Variants in MECOM observed in about 807,000 individuals in gnomAD.
The protein encoded by MECOM is MDS1 and EVI1 complex locus, also known as histone-lysine N-methyltransferase MECOM.
A neutral mutation model predicts 116.3 loss-of-function variants in MECOM; 13 were observed. The ratio of observed to expected loss-of-function variants is 0.11; its 90% CI spans 0.07 to 0.18. The LOEUF (loss-of-function observed/expected upper bound fraction) is 0.18. MECOM is among the 10% of genes least tolerant of loss of function. The pLI is 1.00. For missense variants in MECOM, 1,299 were observed against 1,509.0 expected, an observed-to-expected ratio of 0.86 and a Z score of 2.31; for synonymous variants, 528 against 535.2, an observed-to-expected ratio of 0.99 and a Z score of 0.19.
intron 2 of MECOM, among the ~76,000 whole-genome samples, chr3:169,372,606 C>T (rs1287566622): frequency 2.0e-5 from 3 of 151,944 alleles, no homozygotes; most frequent in Non-Finnish European, 4.4e-5. Context: ...AGAGCAATAA[C>T]TTATAAAAAT....
intron 4 of MECOM, among the ~76,000 whole-genome samples, chr3:169,128,500 G>A (rs1733640087): frequency 6.6e-6 from 1 of 152,140 alleles, no homozygotes; most frequent in Admixed American, 6.5e-5. Flanking sequence ...GGAGTATAGA[G>A]CTATGTGGCT....
At chr3:169,186,035 T>C (rs1448706981) in intron 2 of MECOM, among the ~76,000 whole-genome samples, 3 of 152,144 alleles carry the variant, frequency 2.0e-5, no homozygotes, top group African/African-American at 7.2e-5. Flanking sequence ...AAGGAAACTA[T>C]CTCTGACTCC....
intron 2 of MECOM, among the ~76,000 whole-genome samples, chr3:169,144,664 C>T (rs1483440091): frequency 1.3e-5 from 2 of 152,086 alleles, no homozygotes. Context: ...TTTTTAAGAT[C>T]ATGTGTACTT....
chr3:169,398,743 G>T (rs1436947054), intron 1 of MECOM, among the ~76,000 whole-genome samples: 1 of 152,134 alleles, frequency 6.6e-6, no homozygotes, highest in Non-Finnish European at 1.5e-5. Context: ...CAATACTCCT[G>T]CTCCTGTGAA....
chr3:169,185,667 A>G (rs1385913144), intron 2 of MECOM, among the ~76,000 whole-genome samples: 2 of 152,186 alleles, frequency 1.3e-5, no homozygotes, highest in South Asian at 2.1e-4. Flanking sequence ...CTAAACTCCA[A>G]GAAAAGTTCA....
intron 2 of MECOM, among the ~76,000 whole-genome samples, chr3:169,177,106 C>A (rs12629843): frequency 0.064 from 9,776 of 152,200 alleles, 492 homozygotes; most frequent in East Asian, 0.29. Flanking sequence ...CCCAGCAATT[C>A]CCTTACTGGG....
chr3:169,287,737 T>G (rs1713629593), intron 2 of MECOM, among the ~76,000 whole-genome samples: 1 of 152,184 alleles, frequency 6.6e-6, no homozygotes, highest in African/African-American at 2.4e-5. Context: ...AAAAAAATTG[T>G]CAATAAATAT....
chr3:169,272,317 G>A (rs1365432676), intron 2 of MECOM, among the ~76,000 whole-genome samples: 1 of 152,144 alleles, frequency 6.6e-6, no homozygotes, highest in East Asian at 1.9e-4. Context: ...GGGAGTTGGG[G>A]AGAGACATAG....
At chr3:169,473,035 A>C (rs1749805508) in intron 1 of MECOM, 1 of 888,192 alleles carries the variant, frequency 1.1e-6, no homozygotes, top group African/African-American at 1.8e-5. Flanking sequence ...AAAAACCTAG[A>C]GAAGGAGTCA....
intron 1 of MECOM, among the ~76,000 whole-genome samples, chr3:169,570,224 A>C (rs771082345): frequency 1.2e-4 from 18 of 152,220 alleles, no homozygotes; most frequent in Non-Finnish European, 2.4e-4. Flanking sequence ...TATGCAAATA[A>C]ATTAGAAAAT....
At chr3:169,413,931 C>G (rs1003243040) in intron 1 of MECOM, among the ~76,000 whole-genome samples, 5 of 152,172 alleles carry the variant, frequency 3.3e-5, no homozygotes, top group Non-Finnish European at 7.3e-5. Flanking sequence ...GAACAGAGAA[C>G]CTGGGGGAAG....
At chr3:169,460,178 C>A (rs1747198651) in intron 1 of MECOM, among the ~76,000 whole-genome samples, 1 of 151,870 alleles carries the variant, frequency 6.6e-6, no homozygotes, top group Non-Finnish European at 1.5e-5. Context: ...TGAACTGAAT[C>A]CAAAAATTGT....
At chr3:169,590,375 T>A (rs1056984772) in intron 1 of MECOM, among the ~76,000 whole-genome samples, 2 of 152,196 alleles carry the variant, frequency 1.3e-5, no homozygotes, top group African/African-American at 4.8e-5. Flanking sequence ...TTGCTCTACC[T>A]TAGAATCAGA....
At chr3:169,098,925 G>T (rs1722611925) in intron 12 of MECOM, among the ~76,000 whole-genome samples, 1 of 151,980 alleles carries the variant, frequency 6.6e-6, no homozygotes, top group Non-Finnish European at 1.5e-5. Flanking sequence ...TATGTTTCAG[G>T]TACGTTTGTC....
intron 1 of MECOM, among the ~76,000 whole-genome samples, chr3:169,412,609 C>T (rs140957966): frequency 6.6e-6 from 1 of 152,006 alleles, no homozygotes; most frequent in Non-Finnish European, 1.5e-5. Flanking sequence ...AAGGTAAATG[C>T]CAAAATGTCT....
At chr3:169,521,783 G>A (rs1003252287) in intron 1 of MECOM, among the ~76,000 whole-genome samples, 2 of 152,176 alleles carry the variant, frequency 1.3e-5, no homozygotes, top group Admixed American at 6.5e-5. Flanking sequence ...AATGCAGTCG[G>A]CTATTCATAT....
At position 169,182,204 on chromosome 3, in the gene MECOM, A is replaced by T. The variant is rs7617804; in HGVS notation, c.376-38372T>A. 4.1e-3 allele frequency among the ~76,000 whole-genome samples: 620 copies of T among 152,328 alleles called. 4 individuals carry two copies. The highest frequency in any genetic ancestry group is 0.014 in the African/African-American group (578 of 41,574). On this transcript the variant is annotated intron_variant, in intron 2 of 16. Coordinates refer to ENST00000651503, the MANE Select transcript of MECOM (RefSeq NM_004991.4). The stretch of plus-strand genomic sequence containing the variant: ...ATATAAAATAGAGCTGCCAAGGCTA[A>T]CAGCTATTATTAAATGTCTGCATAT...
chr3:169,161,154 T>A (rs1053987910), intron 2 of MECOM, among the ~76,000 whole-genome samples: 2 of 152,330 alleles, frequency 1.3e-5, no homozygotes, highest in Admixed American at 1.3e-4. Flanking sequence ...CACCTTTAAG[T>A]AGCTTTAAAA....
intron 3 of MECOM, among the ~76,000 whole-genome samples, chr3:169,132,586 AGACC>A (rs1735099431): frequency 6.6e-6 from 1 of 152,142 alleles, no homozygotes; most frequent in Non-Finnish European, 1.5e-5. Context: ...GGTGAAAATG[AGACC>A]AATTATATTA....
Sources: gnomAD v4.1 joint callset for allele counts (sites outside exome capture counted in the v4.1 genomes callset) on GRCh38, gnomAD v4.1.1 for gene constraint, MANE v1.5 for transcripts, NCBI Gene and HGNC (gene_info 2026-07-23, HGNC 2026-07-21) for gene names.